NAALADL2: variants seen among roughly 807,000 people sequenced by gnomAD.
The protein encoded by NAALADL2 is N-acetylated alpha-linked acidic dipeptidase like 2.
Under a neutral mutation model 87.2 loss-of-function variants are expected in NAALADL2, and 76 were observed. That is an observed-to-expected ratio of 0.87 (90% CI 0.72 to 1.05). The LOEUF is 1.05. NAALADL2 is among the 50% of genes least tolerant of loss of function. NAALADL2 has a pLI of 0.00. For missense variants in NAALADL2, 1,089 were observed against 945.8 expected (o/e 1.15, Z -1.99); for synonymous variants, 354 against 331.0 (o/e 1.07, Z -0.75).
At chr3:175,720,983 T>A (rs547337429) in intron 11 of NAALADL2, among the ~76,000 whole-genome samples, 1 of 152,078 alleles carries the variant, frequency 6.6e-6, no homozygotes, top group African/African-American at 2.4e-5. Flanking sequence ...ACTAATGGTG[T>A]GCCAAAAAAT....
rs1035989839 is a variant in NAALADL2, at chr3:175,298,262, T to C, written c.940-25913T>C. ...ATGGTGACCTTGAGGAGCAATGAACTGGAGGGATGCGGAAACTTGTTTAAT... is the reference window on the plus strand; with the variant it reads ...ATGGTGACCTTGAGGAGCAATGAACCGGAGGGATGCGGAAACTTGTTTAAT... On this transcript the variant is annotated intron_variant, in intron 4 of 13. Transcript: ENST00000454872. 3.9e-5 allele frequency among the ~76,000 whole-genome samples: 6 copies of C among 152,108 alleles called. No homozygotes were observed. In the East Asian group the frequency reaches 1.2e-3, roughly 29 times the overall value.
At chr3:174,489,208 T>C (rs1029527465) in intron 1 of NAALADL2, among the ~76,000 whole-genome samples, 2 of 152,018 alleles carry the variant, frequency 1.3e-5, no homozygotes, top group Non-Finnish European at 2.9e-5. Flanking sequence ...AGTTGCTTTT[T>C]GACAATGGTG....
chr3:175,277,843 C>T (rs1753797069), intron 4 of NAALADL2, among the ~76,000 whole-genome samples: 1 of 152,166 alleles, frequency 6.6e-6, no homozygotes, highest in Admixed American at 6.5e-5. Flanking sequence ...TTCTTCTCTT[C>T]TTTTACTACT....
chr3:174,707,877 G>T (rs566104654), intron 2 of NAALADL2, among the ~76,000 whole-genome samples: 1 of 151,904 alleles, frequency 6.6e-6, no homozygotes, highest in Admixed American at 6.5e-5. Context: ...GAAAATATTT[G>T]CACATCATGT....
chr3:174,984,363 A>G (rs1441966157), intron 1 of NAALADL2, among the ~76,000 whole-genome samples: 1 of 152,072 alleles, frequency 6.6e-6, no homozygotes, highest in African/African-American at 2.4e-5. Context: ...AGTTGCACCA[A>G]AACTGGGTTG....
intron 2 of NAALADL2, among the ~76,000 whole-genome samples, chr3:175,125,912 C>A (rs1726875676): frequency 6.6e-6 from 1 of 151,896 alleles, no homozygotes; most frequent in African/African-American, 2.4e-5. Context: ...TTGAGGCATT[C>A]CAACATTTTA....
chr3:175,343,655 GTT>G (rs113806607), intron 5 of NAALADL2, among the ~76,000 whole-genome samples: 5 of 64,708 alleles, frequency 7.7e-5, no homozygotes, highest in African/African-American at 9.2e-5. Context: ...TCTTGATCAT[GTT>G]TTTTTTTTTT....
chr3:174,742,627 A>G (rs958399451), intron 3 of NAALADL2, among the ~76,000 whole-genome samples: 2 of 151,736 alleles, frequency 1.3e-5, no homozygotes, highest in African/African-American at 2.4e-5. Context: ...TAATTGCTCT[A>G]TTTAAACAAA....
At chr3:174,809,688 A>G (rs1459051078) in intron 3 of NAALADL2, among the ~76,000 whole-genome samples, 1 of 152,142 alleles carries the variant, frequency 6.6e-6, no homozygotes, top group Non-Finnish European at 1.5e-5. Context: ...GATGGTAAAT[A>G]GATGATATTT....
chr3:174,978,189 A>G (rs1424025254), intron 1 of NAALADL2, among the ~76,000 whole-genome samples: 2 of 152,218 alleles, frequency 1.3e-5, no homozygotes, highest in Admixed American at 1.3e-4. Flanking sequence ...CACTATGCCA[A>G]CCTAGGCCTT....
At chr3:175,011,129 T>G (rs1239910790) in intron 1 of NAALADL2, among the ~76,000 whole-genome samples, 1 of 152,104 alleles carries the variant, frequency 6.6e-6, no homozygotes, top group Non-Finnish European at 1.5e-5. Flanking sequence ...TTTTCCTCCT[T>G]GATCCATAAT....
intron 2 of NAALADL2, among the ~76,000 whole-genome samples, chr3:175,112,823 C>T (rs745905121): frequency 2.6e-5 from 4 of 151,384 alleles, no homozygotes; most frequent in African/African-American, 4.8e-5. Flanking sequence ...ATGACATCAG[C>T]GCAAAGATTG....
At chr3:175,058,843 CT>C (rs1190124332) in intron 1 of NAALADL2, among the ~76,000 whole-genome samples, 1 of 152,164 alleles carries the variant, frequency 6.6e-6, no homozygotes, top group Admixed American at 6.6e-5. Flanking sequence ...GTGCTGTTTT[CT>C]TCGGGCTGTC....
chr3:175,184,293 A>T (rs1206357844), intron 2 of NAALADL2, among the ~76,000 whole-genome samples: 2 of 152,112 alleles, frequency 1.3e-5, no homozygotes, highest in Non-Finnish European at 2.9e-5. Flanking sequence ...TATCAAGCAA[A>T]GCTTGAGATG....
chr3:174,987,252 A>T (rs892921087), intron 1 of NAALADL2, among the ~76,000 whole-genome samples: 4 of 152,144 alleles, frequency 2.6e-5, no homozygotes, highest in Non-Finnish European at 4.4e-5. Flanking sequence ...TTCTTGTAAA[A>T]TACCTATATT....
At chr3:175,769,447 G>A (rs1263808411) in intron 13 of NAALADL2, among the ~76,000 whole-genome samples, 3 of 152,098 alleles carry the variant, frequency 2.0e-5, no homozygotes, top group Non-Finnish European at 4.4e-5. Context: ...ATCAAACAAG[G>A]GCCTAGAGGC....
At chr3:174,800,707 G>A (rs1302030851) in intron 3 of NAALADL2, among the ~76,000 whole-genome samples, 1 of 152,160 alleles carries the variant, frequency 6.6e-6, no homozygotes, top group Admixed American at 6.5e-5. Flanking sequence ...ACCTGGAAAA[G>A]CTGCATATGC....
chr3:174,491,953 T>A (rs1275765183), intron 1 of NAALADL2, among the ~76,000 whole-genome samples: 2 of 152,272 alleles, frequency 1.3e-5, no homozygotes, highest in East Asian at 3.9e-4. Context: ...AAAAAATAGA[T>A]ACAGTGATGT....
intron 9 of NAALADL2, among the ~76,000 whole-genome samples, chr3:175,542,434 T>G (rs1712517666): frequency 6.6e-6 from 1 of 152,234 alleles, no homozygotes; most frequent in Non-Finnish European, 1.5e-5. Context: ...TCTGTGCATA[T>G]TCAAGTCCTG....
Sources: gnomAD v4.1 joint callset for allele counts (sites outside exome capture counted in the v4.1 genomes callset) on GRCh38, gnomAD v4.1.1 for gene constraint, MANE v1.5 for transcripts, NCBI Gene and HGNC (gene_info 2026-07-23, HGNC 2026-07-21) for gene names.